GOLGB1: variants seen among roughly 807,000 people sequenced by gnomAD.
GOLGB1 encodes the protein golgin subfamily B member 1.
In GOLGB1, 174 loss-of-function variants were observed where a neutral mutation model predicts 336.9. The observed-to-expected ratio is 0.52, with a 90% CI of 0.46 to 0.59. GOLGB1 has a LOEUF of 0.59. Ranked by LOEUF, GOLGB1 falls within the 20% of genes least tolerant of loss-of-function variation. GOLGB1 has a pLI of 0.00. For synonymous variants in GOLGB1, 1,208 were observed against 1,289.2 expected, an observed-to-expected ratio of 0.94 and a Z score of 1.35; for missense variants, 3,331 against 3,645.3, an observed-to-expected ratio of 0.91 and a Z score of 2.22.
chr3:121,706,007 G>C (rs1261229896), intron 10 of GOLGB1, among the ~76,000 whole-genome samples: 1 of 151,958 alleles, frequency 6.6e-6, no homozygotes, highest in South Asian at 2.1e-4. Flanking sequence ...CATAAAAAAA[G>C]CTCCAAAATA....
At chr3:121,679,890 G>C (rs997578375) in intron 15 of GOLGB1, among the ~76,000 whole-genome samples, 5 of 152,166 alleles carry the variant, frequency 3.3e-5, no homozygotes, top group African/African-American at 9.7e-5. Context: ...ACTCTTCCTT[G>C]TCCCTGCAGA....
intron 6 of GOLGB1, 128 bp from the exon 7 acceptor site, chr3:121,719,896 T>A (rs2108162129): frequency 1.4e-6 from 1 of 716,920 alleles, no homozygotes; most frequent in Non-Finnish European, 2.1e-6. Context: ...AAATTTTGAT[T>A]GTCAAGGATG....
chr3:121,698,291 G>T lies in GOLGB1; in HGVS notation c.2232C>A (p.Phe744Leu). ...GGTCTCTTTCTTCAGACAAAGCAGTGAATGCACTGCTGTTGTTGTCAGCAT... is the reference window on the plus strand; with the variant it reads ...GGTCTCTTTCTTCAGACAAAGCAGTTAATGCACTGCTGTTGTTGTCAGCAT... ...KKNADNNSSAFTALSEERDQL... is the reference protein window; with the variant it reads ...KKNADNNSSALTALSEERDQL... Residue 744 changes from phenylalanine (F) to leucine (L), a missense_variant, in exon 13 of 22, where the codon TTC (phenylalanine) becomes TTA (leucine). Phe to Leu is a conservative substitution (Grantham distance 22). Coordinates refer to ENST00000614479, the MANE Select transcript of GOLGB1 (RefSeq NM_001366282.2). The T allele has an allele frequency of 6.2e-7, 1 of 1,613,964 alleles. No individual in the cohort carries two copies. Among genetic ancestry groups the T allele is most frequent in the Non-Finnish European group, 8.5e-7 (1 of 1,179,900 alleles).
intron 14 of GOLGB1, 35 bp from the exon 15 acceptor site, chr3:121,681,900 C>T: frequency 7.0e-7 from 1 of 1,423,278 alleles, no homozygotes; most frequent in Non-Finnish European, 9.8e-7. Context: ...GATTATTTGT[C>T]ACATCTCATT....
At chr3:121,741,108 C>G (rs567054732) in intron 1 of GOLGB1, among the ~76,000 whole-genome samples, 29 of 152,042 alleles carry the variant, frequency 1.9e-4, no homozygotes, top group African/African-American at 7.0e-4. Context: ...CTATTTCTGG[C>G]AAACACAAAC....
Position 121,697,753 on chromosome 3 carries a change from C to T in GOLGB1, c.2770G>A (p.Glu924Lys). 1.2e-6 allele frequency: 2 copies of T among 1,613,908 alleles called. No individual in the cohort carries two copies. The highest frequency in any genetic ancestry group is 1.7e-6 in the Non-Finnish European group (2 of 1,179,804). The change falls in exon 13 of 22, where the codon GAA becomes AAA. Residue 924 changes from glutamate (E) to lysine (K), a missense_variant. Glu to Lys is a moderately conservative substitution (Grantham distance 56, BLOSUM62 1). Coordinates refer to ENST00000614479, the MANE Select transcript of GOLGB1 (RefSeq NM_001366282.2). ...SMTEKMVQLN[E>K]EKFSLGVEIK... ...TCAACCCCAAGAGAAAACTTCTCTT[C>T]ATTAAGCTGAACCATTTTCTCAGTC...
Position 121,677,311 on chromosome 3 carries a change from G to C in GOLGB1, c.9013C>G (p.Pro3005Ala), listed in dbSNP as rs773134594. The C allele has an allele frequency of 6.2e-7, 1 of 1,610,978 alleles. No homozygotes were observed. Among genetic ancestry groups the C allele is most frequent in the Non-Finnish European group, 8.5e-7 (1 of 1,177,594 alleles). Reference protein sequence around the residue: ...ELRSSSSQTQPLKVQYQRQAS... With the variant: ...ELRSSSSQTQALKVQYQRQAS... ...TGTCTTTGGTATTGCACTTTGAGAG[G>C]CTGAGTCTGGGAGGAAGAAGACCTC... Residue 3005 changes from proline (P) to alanine (A), a missense_variant, in exon 16 of 22, where the codon CCT (proline) becomes GCT (alanine). Pro to Ala is a conservative substitution (Grantham distance 27). Coordinates refer to ENST00000614479, the MANE Select transcript of GOLGB1 (RefSeq NM_001366282.2).
rs532870607 is a variant in GOLGB1, at chr3:121,705,043, T to G, written c.1405-2448A>C. ...ATATGTGGATAAATGTTAAGGTCAA[T>G]ATTTTCCTCTTAATGTCTTTCAAAT... is the stretch of plus-strand genomic sequence containing the variant. On this transcript the variant is annotated intron_variant, in intron 10 of 21. Coordinates refer to ENST00000614479, the MANE Select transcript of GOLGB1 (RefSeq NM_001366282.2). Among the ~76,000 whole-genome samples, 7 of 152,178 alleles carry G rather than the reference T, an allele frequency of 4.6e-5. No homozygotes were observed. The South Asian group carries it at 1.4e-3, about 31-fold the overall frequency.
rs1024745101 is a variant in GOLGB1, at chr3:121,693,870, C to T, written c.6653G>A (p.Arg2218Lys). The stretch of plus-strand genomic sequence containing the variant: ...GCTTTGAATCGCATCACTAAACTTC[C>T]TCTCCCATTTCTTAGCTTCATCTAT... The part of the protein sequence containing the change: ...RVIDEAKKWE[R>K]KFSDAIQSKE... The change falls in exon 13 of 22, where the codon AGG becomes AAG. Residue 2218 changes from arginine to lysine, a missense_variant. Arg to Lys is a conservative substitution (Grantham distance 26). Transcript: ENST00000614479. 6.2e-7 allele frequency: 1 copy of T among 1,613,838 alleles called. No homozygotes were observed. Among genetic ancestry groups the T allele is most frequent in the Non-Finnish European group, 8.5e-7 (1 of 1,179,852 alleles).
rs755504752 is a variant in GOLGB1 at position 121,690,952 on chromosome 3, G to T, written c.8412C>A (p.Ser2804Arg). Reference sequence around the variant, plus strand: ...GGTTAAGTTTCTCAAGGTGAGACAAGCTATTCTCCTCAGTGGAGTTCATTG... The same window carrying T: ...GGTTAAGTTTCTCAAGGTGAGACAATCTATTCTCCTCAGTGGAGTTCATTG... Reference protein sequence around the residue: ...AFSMNSTEENSLSHLEKLNQQ... With the variant: ...AFSMNSTEENRLSHLEKLNQQ... Residue 2804 changes from serine to arginine, a missense_variant, in exon 14 of 22, where the codon AGC becomes AGA. Ser to Arg is a moderately radical substitution (Grantham distance 110). Coordinates refer to ENST00000614479, the MANE Select transcript of GOLGB1 (RefSeq NM_001366282.2). 1.4e-5 allele frequency: 23 copies of T among 1,614,160 alleles called. No individual in the cohort carries two copies. The highest frequency in any genetic ancestry group is 6.8e-6 in the Non-Finnish European group (8 of 1,179,986).
At chr3:121,714,374 A>G (rs1944594646) in intron 10 of GOLGB1, among the ~76,000 whole-genome samples, 1 of 152,210 alleles carries the variant, frequency 6.6e-6, no homozygotes, top group East Asian at 1.9e-4. Flanking sequence ...TAGATGAAAG[A>G]AAGAATATAC....
At chr3:121,737,528 G>A (rs1191974543) in intron 1 of GOLGB1, among the ~76,000 whole-genome samples, 1 of 151,988 alleles carries the variant, frequency 6.6e-6, no homozygotes, top group African/African-American at 2.4e-5. Flanking sequence ...GCACGTGCCT[G>A]TAATCCCAGC....
At chr3:121,747,301 A>G (rs1001361963) in intron 1 of GOLGB1, among the ~76,000 whole-genome samples, 6 of 142,884 alleles carry the variant, frequency 4.2e-5, no homozygotes, top group Non-Finnish European at 7.6e-5. Context: ...ATATGTGTAT[A>G]TATGTATATA....
In GOLGB1 at chr3:121,695,578, G is replaced by C; in HGVS notation, c.4945C>G (p.Gln1649Glu). ...HVVEAVRQEK[Q>E]ELYGKLRSTE... ...CTTCTTAACTTGCCATACAGTTCTT[G>C]TTTCTCTTGCCTCACAGCTTCCACC... The change falls in exon 13 of 22, where the codon CAA (glutamine) becomes GAA (glutamate). Residue 1649 changes from glutamine (Q) to glutamate (E), a missense_variant. Coordinates refer to ENST00000614479, the MANE Select transcript of GOLGB1 (RefSeq NM_001366282.2). 1 of 1,613,984 alleles carries C rather than the reference G, an allele frequency of 6.2e-7. No individual in the cohort carries two copies. Among genetic ancestry groups the C allele is most frequent in the African/African-American group, 1.3e-5 (1 of 74,978 alleles).
At chr3:121,668,885 T>C (rs993077224) in intron 18 of GOLGB1, among the ~76,000 whole-genome samples, 2 of 152,148 alleles carry the variant, frequency 1.3e-5, no homozygotes, top group South Asian at 2.1e-4. Context: ...TGTTTTGTTC[T>C]CAGATCCAAA....
At chr3:121,700,327 T>C (rs899967957) in intron 11 of GOLGB1, among the ~76,000 whole-genome samples, 9 of 152,064 alleles carry the variant, frequency 5.9e-5, no homozygotes, top group Non-Finnish European at 1.3e-4. Context: ...AGCTATCCTA[T>C]CTCCTCAATG....
At chr3:121,744,383 G>A (rs188430625) in intron 1 of GOLGB1, among the ~76,000 whole-genome samples, 170 of 148,176 alleles carry the variant, frequency 1.1e-3, no homozygotes, top group Middle Eastern at 0.01. Flanking sequence ...GAGGTGAGAG[G>A]ATGGCTTGAG....
At chr3:121,686,125 T>A (rs1941695464) in intron 14 of GOLGB1, among the ~76,000 whole-genome samples, 1 of 152,188 alleles carries the variant, frequency 6.6e-6, no homozygotes, top group Non-Finnish European at 1.5e-5. Flanking sequence ...TGTAGAGAAG[T>A]AATGGATGTT....
rs1237747605 is a variant in GOLGB1, at chr3:121,718,472, C to T, written c.801G>A (p.Glu267=). ...GGCCCACCAAGGATTCTTCGTGTTC[C>T]TCAAGCTTCCTTTGCAGCACCCTCA... ...QKLRVLQRKL[E]EHEESLVGRA... Residue 267 remains glutamate, a synonymous_variant, in exon 8 of 22, where the codon GAG becomes GAA. Coordinates refer to ENST00000614479, the MANE Select transcript of GOLGB1 (RefSeq NM_001366282.2). The T allele has an allele frequency of 1.2e-6, 2 of 1,613,710 alleles. No homozygotes were observed. The highest frequency in any genetic ancestry group is 1.7e-6 in the Non-Finnish European group (2 of 1,179,628).
Sources: gnomAD v4.1 joint callset for allele counts (sites outside exome capture counted in the v4.1 genomes callset) on GRCh38, gnomAD v4.1.1 for gene constraint, MANE v1.5 for transcripts, NCBI Gene and HGNC (gene_info 2026-07-23, HGNC 2026-07-21) for gene names.